Variants in PLEKHM1 observed in about 807,000 individuals in gnomAD.
PLEKHM1 encodes pleckstrin homology and RUN domain containing M1, also known as pleckstrin homology domain-containing family M member 1.
In PLEKHM1, 28 loss-of-function variants were observed where a neutral mutation model predicts 94.3. The ratio of observed to expected loss-of-function variants is 0.30; its 90% CI spans 0.22 to 0.41. PLEKHM1 has a LOEUF of 0.41. Among genes scored for constraint, PLEKHM1 ranks in the 10% least tolerant of loss-of-function variants. The pLI is 1.00. For missense variants in PLEKHM1, 907 were observed against 1,358.6 expected, an observed-to-expected ratio of 0.67 and a Z score of 5.22; for synonymous variants, 424 against 581.2, an observed-to-expected ratio of 0.73 and a Z score of 3.89.
rs1375822128 is a variant in PLEKHM1 at position 45,453,971 on chromosome 17, G to C, written c.1881C>G (p.Val627=). The change falls in exon 7 of 12, where the codon GTC becomes GTG. Residue 627 remains valine, a synonymous_variant. Coordinates refer to ENST00000430334, the MANE Select transcript of PLEKHM1 (RefSeq NM_014798.3). The surrounding 1 kb of genome is among the most constrained non-coding windows in gnomAD (Gnocchi z 4.1). Reference sequence around the variant, plus strand: ...CCCACTCATCCTCCTGCTGAGGCCGGACCTTCTGCAGGGCCTCCCGCACCC... The same window carrying C: ...CCCACTCATCCTCCTGCTGAGGCCGCACCTTCTGCAGGGCCTCCCGCACCC... ...LDRVREALQK[V]RPQQEDEWVN... The C allele has an allele frequency of 5.6e-6, 9 of 1,613,856 alleles. No homozygotes were observed. Among genetic ancestry groups the C allele is most frequent in the Non-Finnish European group, 7.6e-6 (9 of 1,179,882 alleles).
intron 4 of PLEKHM1, 143 bp from the exon 5 acceptor site, chr17:45,468,736 C>T (rs1389129396): frequency 1.2e-6 from 1 of 845,146 alleles, no homozygotes; most frequent in Non-Finnish European, 1.9e-6. Context: ...TGCACTCCCC[C>T]TCACGCAGTC....
chr17:45,456,248 T>C (rs1298313580), intron 6 of PLEKHM1: 1 of 152,240 alleles, frequency 6.6e-6, no homozygotes, highest in Non-Finnish European at 1.5e-5. Flanking sequence ...TTGTTAATTT[T>C]ATTTCCCGTC....
Position 45,445,732 on chromosome 17 carries a change from C to T in PLEKHM1, c.2644-69G>A. ...TCAGTGAGCACTGCCTGGCCAGGTG[C>T]CACATGACCTGCTCACTTACCTGAG... On this transcript the variant is annotated intron_variant, in intron 8 of 11. Transcript: ENST00000430334. This position sits in a 1 kb window ranked among gnomAD's most constrained non-coding sequence, Gnocchi z 4.2. 8.5e-7 allele frequency: 1 copy of T among 1,180,420 alleles called. No homozygotes were observed. Among genetic ancestry groups the T allele is most frequent in the Non-Finnish European group, 1.3e-6 (1 of 786,120 alleles). The allele number at this position is 1,180,420 out of a possible 1,614,324, so 73.1% of individuals were successfully genotyped here. A position where few individuals can be genotyped will look rare whatever the true frequency, so the allele number is the denominator to read the frequency against.
chr17:45,481,238 T>C lies in PLEKHM1; in HGVS notation c.48+1199A>G, dbSNP rs1425279186. 7.2e-5 allele frequency among the ~76,000 whole-genome samples: 11 copies of C among 152,194 alleles called. No homozygotes were observed. In the South Asian group the frequency reaches 2.3e-3, roughly 32 times the overall value. On this transcript the variant is annotated intron_variant, in intron 2 of 11. Coordinates refer to ENST00000430334, the MANE Select transcript of PLEKHM1 (RefSeq NM_014798.3). ...CTATTTAAATCCTTTACCCATTTTA[T>C]AACTGGATTATTTGTCTTTTTATTG...
rs368339097 is a variant in PLEKHM1, at chr17:45,437,974, G to A, written c.3060-5C>T. 6.2e-7 allele frequency: 1 copy of A among 1,610,878 alleles called. No homozygotes were observed. Among genetic ancestry groups the A allele is most frequent in the South Asian group, 1.1e-5 (1 of 91,032 alleles). On this transcript the variant is annotated splice_region_variant and splice_polypyrimidine_tract_variant and intron_variant, in intron 11 of 11. Coordinates refer to ENST00000430334, the MANE Select transcript of PLEKHM1 (RefSeq NM_014798.3). This position sits in a 1 kb window ranked among gnomAD's most constrained non-coding sequence, Gnocchi z 4.0. ...ACGGTCTTGCACTCGGCACACCTGG[G>A]GAGAGAGCAGTAGGCCTGCTGGTGC... is the stretch of plus-strand genomic sequence containing the variant.
At chr17:45,470,708 G>A (rs2051479383) in intron 4 of PLEKHM1, among the ~76,000 whole-genome samples, 1 of 151,206 alleles carries the variant, frequency 6.6e-6, no homozygotes, top group African/African-American at 2.4e-5. Context: ...GCCCAGGCTG[G>A]AGTGCAGTGG....
chr17:45,483,928 T>C (rs550733272), intron 1 of PLEKHM1, among the ~76,000 whole-genome samples: 5 of 152,218 alleles, frequency 3.3e-5, no homozygotes, highest in Non-Finnish European at 5.9e-5. Flanking sequence ...ACTGCCTGAA[T>C]GGGCCCCCCT....
intron 10 of PLEKHM1, chr17:45,439,930 T>TC: frequency 1.6e-6 from 1 of 634,612 alleles, no homozygotes; most frequent in Non-Finnish European, 2.8e-6. Context: ...CAAACTCTCT[T>TC]CCCTGTGATC....
chr17:45,480,737 A>T (rs1415962737), intron 2 of PLEKHM1, among the ~76,000 whole-genome samples: 4 of 152,228 alleles, frequency 2.6e-5, no homozygotes, highest in African/African-American at 9.6e-5. Flanking sequence ...ATCATGTTGT[A>T]GCATGTATCA....
intron 1 of PLEKHM1, among the ~76,000 whole-genome samples, chr17:45,483,414 TGGGTGGGGTGGGGTGGGGTGGGGTG>T (rs911527924): frequency 8.0e-5 from 10 of 124,356 alleles, no homozygotes; most frequent in Non-Finnish European, 8.5e-5. Context: ...CTCCTGGAAG[TGGGTGGGGTGGGGTGGGGTGGGGTG>T]GGGTGGGGCG....
chr17:45,480,395 A>G (rs1009083042), intron 2 of PLEKHM1, among the ~76,000 whole-genome samples: 1 of 152,132 alleles, frequency 6.6e-6, no homozygotes, highest in Non-Finnish European at 1.5e-5. Flanking sequence ...GAGGCATGAG[A>G]ATCACTTGAA....
intron 11 of PLEKHM1, among the ~76,000 whole-genome samples, chr17:45,438,872 TAAAAACTC>T (rs2050352491): frequency 2.0e-5 from 3 of 152,320 alleles, no homozygotes; most frequent in Non-Finnish European, 1.5e-5. Context: ...GGTATAATTT[TAAAAACTC>T]AGCCCCAGGC....
At chr17:45,481,677 T>G (rs1328107435) in intron 2 of PLEKHM1, among the ~76,000 whole-genome samples, 3 of 132,052 alleles carry the variant, frequency 2.3e-5, no homozygotes, top group African/African-American at 5.8e-5. Context: ...AGAGTGGGGG[T>G]GCAGAGGGGA....
chr17:45,486,240 A>AAAAAAT (rs1555588810), intron 1 of PLEKHM1, among the ~76,000 whole-genome samples: 276 of 142,468 alleles, frequency 1.9e-3, no homozygotes, highest in Middle Eastern at 8.1e-3. Flanking sequence ...TAAAATAAAA[A>AAAAAAT]AATAATAATA....
intron 6 of PLEKHM1, among the ~76,000 whole-genome samples, chr17:45,455,269 G>C (rs539987099): frequency 6.6e-6 from 1 of 152,090 alleles, no homozygotes; most frequent in Non-Finnish European, 1.5e-5. Context: ...CAAACCCCAA[G>C]GCCACTCCTC....
At chr17:45,462,805 G>A (rs1246862619) in intron 5 of PLEKHM1, among the ~76,000 whole-genome samples, 1 of 152,150 alleles carries the variant, frequency 6.6e-6, no homozygotes, top group African/African-American at 2.4e-5. Context: ...ATTCAGAATG[G>A]GCATGATGGA....
intron 5 of PLEKHM1, among the ~76,000 whole-genome samples, chr17:45,466,345 A>G (rs2684532): frequency 6.6e-6 from 1 of 152,016 alleles, no homozygotes; most frequent in African/African-American, 2.4e-5. Context: ...GGGGAGATGA[A>G]TATCTCTTAA....
chr17:45,485,709 C>A (rs2052090310), intron 1 of PLEKHM1, among the ~76,000 whole-genome samples: 1 of 149,906 alleles, frequency 6.7e-6, no homozygotes, highest in African/African-American at 2.5e-5. Context: ...ACCAGCCTGG[C>A]CAACATGGTG....
rs2051033812 is a variant in PLEKHM1 at position 45,458,307 on chromosome 17, A to T, written c.1441T>A (p.Phe481Ile). The stretch of plus-strand genomic sequence containing the variant: ...CAGTTTTTTCTTGGTTCTTGAGAAA[A>T]ATGCCTGTGGAGACCAGGCCTTGAC... ...PGSRPGLHRH[F>I]SQEPRKNCSL... Residue 481 changes from phenylalanine to isoleucine, a missense_variant, in exon 6 of 12, where the codon TTT becomes ATT. Coordinates refer to ENST00000430334, the MANE Select transcript of PLEKHM1 (RefSeq NM_014798.3). 6.2e-7 allele frequency: 1 copy of T among 1,613,414 alleles called. No individual in the cohort carries two copies. Among genetic ancestry groups the T allele is most frequent in the Admixed American group, 1.7e-5 (1 of 59,922 alleles).
Sources: allele counts gnomAD v4.1 joint callset (sites outside exome capture counted in the v4.1 genomes callset), GRCh38; gene constraint gnomAD v4.1.1; non-coding constraint Gnocchi (gnomAD v3.1); transcripts MANE v1.5; gene names NCBI Gene and HGNC (gene_info 2026-07-23, HGNC 2026-07-21).